The following RIPOR3 variants were observed in gnomAD, a reference collection of about 807,000 sequenced individuals.
The protein encoded by RIPOR3 is RIPOR family member 3.
RIPOR3 carries 95 observed loss-of-function variants against 114.3 expected under a neutral mutation model. The ratio of observed to expected loss-of-function variants is 0.83; its 90% CI spans 0.70 to 0.99. RIPOR3 has a LOEUF of 0.99. RIPOR3 is among the 50% of genes least tolerant of loss of function. RIPOR3 has a pLI of 0.00. For missense variants in RIPOR3, 1,252 were observed against 1,266.9 expected, an observed-to-expected ratio of 0.99 and a Z score of 0.18; for synonymous variants, 575 against 543.8, an observed-to-expected ratio of 1.06 and a Z score of -0.80.
chr20:50,656,197 G>A (rs192063803), intron 1 of RIPOR3, among the ~76,000 whole-genome samples: 47 of 151,734 alleles, frequency 3.1e-4, no homozygotes, highest in African/African-American at 1.1e-3. Flanking sequence ...TAGTAGAGAC[G>A]GGGTTTCACC....
In RIPOR3 at chr20:50,595,480, T is replaced by G. The variant is rs901832694; in HGVS notation, c.1939A>C (p.Arg647=). 2.5e-5 allele frequency: 40 copies of G among 1,613,960 alleles called. No individual in the cohort carries two copies. The highest frequency in any genetic ancestry group is 1.6e-4 in the Middle Eastern group (1 of 6,076). Residue 647 remains arginine, a synonymous_variant, in exon 16 of 22, where the codon AGG becomes CGG. Transcript: ENST00000327979. ...TCCAGGAGGCATTCCTGGACCAGCC[T>G]TGATAAATTAGGGGAGGCCAGTTTC... The part of the protein sequence containing the change: ...LQKLASPNLS[R]LVQECLLEEV...
chr20:50,647,704 G>A (rs933451221), intron 1 of RIPOR3, among the ~76,000 whole-genome samples: 1 of 151,086 alleles, frequency 6.6e-6, no homozygotes, highest in Non-Finnish European at 1.5e-5. Flanking sequence ...GGATGGTCTC[G>A]ATCTCCTGAC....
chr20:50,651,773 A>G (rs1019100712), intron 1 of RIPOR3, among the ~76,000 whole-genome samples: 1 of 152,218 alleles, frequency 6.6e-6, no homozygotes, highest in Non-Finnish European at 1.5e-5. Context: ...TATGTTAAAC[A>G]TTAGAAACGA....
intron 17 of RIPOR3, among the ~76,000 whole-genome samples, chr20:50,593,870 G>C (rs2083194735): frequency 6.6e-6 from 1 of 152,050 alleles, no homozygotes; most frequent in Non-Finnish European, 1.5e-5. Flanking sequence ...ACGCAGTCCA[G>C]CCAGCATTTC....
intron 1 of RIPOR3, among the ~76,000 whole-genome samples, chr20:50,656,120 G>A (rs571636571): frequency 4.9e-4 from 74 of 151,938 alleles, no homozygotes; most frequent in African/African-American, 1.6e-3. Context: ...CGATTCTCCT[G>A]CCTCAGCCTC....
At chr20:50,665,122 A>G (rs528662945) in intron 1 of RIPOR3, among the ~76,000 whole-genome samples, 1 of 151,618 alleles carries the variant, frequency 6.6e-6, no homozygotes, top group African/African-American at 2.4e-5. Context: ...CCCAAAAAAC[A>G]AAACAAAACA....
At chr20:50,589,084 GAAAAAAA>G (rs529410533) in intron 20 of RIPOR3, among the ~76,000 whole-genome samples, 5 of 89,544 alleles carry the variant, frequency 5.6e-5, no homozygotes, top group Admixed American at 1.3e-4. Context: ...TCCATCTCAA[GAAAAAAA>G]AAAAAAAAAA....
chr20:50,652,615 A>T (rs2085658349), intron 1 of RIPOR3, among the ~76,000 whole-genome samples: 2 of 137,956 alleles, frequency 1.4e-5, no homozygotes, highest in Non-Finnish European at 3.3e-5. Flanking sequence ...AAAAAAAAAG[A>T]AAAGAAAAGA....
intron 1 of RIPOR3, among the ~76,000 whole-genome samples, chr20:50,651,372 C>T (rs1390948000): frequency 1.3e-5 from 2 of 152,202 alleles, no homozygotes; most frequent in African/African-American, 2.4e-5. Flanking sequence ...GAGCAGAGAA[C>T]TCAGCCATGC....
At chr20:50,680,173 A>G (rs962078617) in intron 1 of RIPOR3, among the ~76,000 whole-genome samples, 4 of 152,208 alleles carry the variant, frequency 2.6e-5, no homozygotes, top group Non-Finnish European at 5.9e-5. Context: ...ACGAGGCTCA[A>G]CTGAAGCCTG....
intron 1 of RIPOR3, among the ~76,000 whole-genome samples, chr20:50,666,692 C>A (rs758172968): frequency 2.9e-4 from 44 of 152,120 alleles, no homozygotes; most frequent in Non-Finnish European, 5.1e-4. Flanking sequence ...TCCCAAGTAG[C>A]TGGGACTACA....
At chr20:50,647,627 C>T (rs970468782) in intron 1 of RIPOR3, among the ~76,000 whole-genome samples, 9 of 151,658 alleles carry the variant, frequency 5.9e-5, no homozygotes, top group South Asian at 4.2e-4. Context: ...GGACTACAGG[C>T]GCCCGCTACC....
chr20:50,635,562 G>T lies in RIPOR3; in HGVS notation c.4-4706C>A, dbSNP rs1486214075. The stretch of plus-strand genomic sequence containing the variant: ...GAGCTACTGCGGCAGGCTGAGGTGG[G>T]AGGATCATTAGAGACCTCCCAGCAA... On this transcript the variant is annotated intron_variant, in intron 1 of 21. Coordinates refer to ENST00000327979, the MANE Select transcript of RIPOR3 (RefSeq NM_001290268.2). Among the ~76,000 whole-genome samples the T allele has an allele frequency of 3.3e-5, 5 of 152,230 alleles. No homozygotes were observed. The East Asian group carries it at 5.8e-4, about 18-fold the overall frequency.
At chr20:50,633,570 G>A (rs552390516) in intron 1 of RIPOR3, among the ~76,000 whole-genome samples, 1 of 152,292 alleles carries the variant, frequency 6.6e-6, no homozygotes, top group South Asian at 2.1e-4. Context: ...AAGGTGAGTA[G>A]TTGAGACGTA....
chr20:50,655,367 T>A (rs1013838557), intron 1 of RIPOR3, among the ~76,000 whole-genome samples: 2 of 152,222 alleles, frequency 1.3e-5, no homozygotes, highest in African/African-American at 4.8e-5. Flanking sequence ...CTTGTCCCCC[T>A]GCCCAGCGCC....
chr20:50,591,013 G>A (rs2122863821), intron 19 of RIPOR3, among the ~76,000 whole-genome samples: 1 of 152,236 alleles, frequency 6.6e-6, no homozygotes, highest in South Asian at 2.1e-4. Context: ...AGAAGACAGA[G>A]AAATACATTA....
intron 17 of RIPOR3, 46 bp from the exon 18 acceptor site, chr20:50,593,242 C>T (rs2083173335): frequency 6.3e-7 from 1 of 1,583,978 alleles, no homozygotes; most frequent in Non-Finnish European, 8.6e-7. Flanking sequence ...GACCTCGACC[C>T]TCCACGCTTC....
intron 6 of RIPOR3, among the ~76,000 whole-genome samples, chr20:50,610,235 TCTCCTGCCA>T (rs2083927979): frequency 6.6e-6 from 1 of 150,452 alleles, no homozygotes; most frequent in African/African-American, 2.5e-5. Context: ...CTCTCCTGCC[TCTCCTGCCA>T]CCCCTGCCTC....
rs997951964 is a variant in RIPOR3, at chr20:50,587,068, C to T, written c.*164G>A. On this transcript the variant is annotated 3_prime_UTR_variant, in exon 22 of 22. Transcript: ENST00000327979. ...TTCTGCCTCTGTACAAAAGACCAGCCCATGCCCTGGGGCTGGGTCAATGGC... is the reference window on the plus strand; with the variant it reads ...TTCTGCCTCTGTACAAAAGACCAGCTCATGCCCTGGGGCTGGGTCAATGGC... The T allele has an allele frequency of 1.3e-4, 81 of 619,186 alleles. No individual in the cohort carries two copies. Among genetic ancestry groups the T allele is most frequent in the Non-Finnish European group, 1.2e-4 (42 of 347,744 alleles). The allele number at this position is 619,186 out of a possible 1,614,324, so 38.4% of individuals were successfully genotyped here.
Sources: gnomAD v4.1 joint callset for allele counts (sites outside exome capture counted in the v4.1 genomes callset) on GRCh38, gnomAD v4.1.1 for gene constraint, MANE v1.5 for transcripts, NCBI Gene and HGNC (gene_info 2026-07-23, HGNC 2026-07-21) for gene names.